The following MAP7 variants were observed in gnomAD, a reference collection of about 807,000 sequenced individuals.
MAP7 encodes the protein ensconsin.
MAP7 carries 52 observed loss-of-function variants against 94.8 expected under a neutral mutation model. The observed-to-expected ratio is 0.55, with a 90% CI of 0.44 to 0.69. The LOEUF is 0.69. Ranked by LOEUF, MAP7 falls within the 30% of genes least tolerant of loss-of-function variation. MAP7 has a pLI of 0.00. For missense variants in MAP7, 940 were observed against 964.6 expected (o/e 0.97, Z 0.34); for synonymous variants, 350 against 357.0 (o/e 0.98, Z 0.22).
intron 8 of MAP7, 27 bp from the exon 9 acceptor site, chr6:136,366,466 G>C: frequency 1.1e-5 from 16 of 1,506,836 alleles, no homozygotes; most frequent in Non-Finnish European, 1.5e-5. Flanking sequence ...TCAATAGTTA[G>C]ATTTTTCCAC....
intron 1 of MAP7, among the ~76,000 whole-genome samples, chr6:136,501,896 G>T (rs1369982835): frequency 6.6e-6 from 1 of 152,130 alleles, no homozygotes; most frequent in Non-Finnish European, 1.5e-5. Context: ...TGGGTGTGAG[G>T]CTGCAGAATA....
intron 1 of MAP7, among the ~76,000 whole-genome samples, chr6:136,478,979 C>CAAAAAAAAAAAAAAAAA (rs59319740): frequency 6.6e-5 from 3 of 45,564 alleles, no homozygotes; most frequent in East Asian, 5.2e-4. Context: ...ACAGACACAT[C>CAAAAAAAAAAAAAAAAA]AAAAAAAAAA....
rs1046225937 is a variant in MAP7 at position 136,514,580 on chromosome 6, CAAAAAAAAAA to C, written c.67+35752_67+35761del. 2.0e-3 allele frequency among the ~76,000 whole-genome samples: 100 copies of C among 49,048 alleles called. No individual in the cohort carries two copies. In the Middle Eastern group the frequency reaches 0.071, roughly 35 times the overall value. The allele number at this position is 49,048 out of a possible 152,430, so 32.2% of individuals were successfully genotyped here. On this transcript the variant is annotated intron_variant, in intron 1 of 17. Transcript: ENST00000354570. The stretch of plus-strand genomic sequence containing the variant: ...TGGGTGACAGAGCAAGACTCTGTCT[CAAAAAAAAAA>C]AAAAAAAAAAAAAAAAAGAAAACAA...
intron 1 of MAP7, chr6:136,526,186 C>A: frequency 7.9e-7 from 1 of 1,264,610 alleles, no homozygotes; most frequent in Non-Finnish European, 1.0e-6. Context: ...AGCAGCTTCC[C>A]CACCTCCCCT....
At chr6:136,547,585 T>C (rs1047803732) in intron 1 of MAP7, among the ~76,000 whole-genome samples, 10 of 152,288 alleles carry the variant, frequency 6.6e-5, no homozygotes, top group Non-Finnish European at 1.2e-4. Flanking sequence ...ATTTTTTTTT[T>C]CCCAGCTCTT....
At chr6:136,364,512 C>G (rs1793743903) in intron 10 of MAP7, 2 of 255,550 alleles carry the variant, frequency 7.8e-6, no homozygotes, top group South Asian at 4.3e-5. Flanking sequence ...AAAAAAAATT[C>G]TTTGAAAACT....
intron 1 of MAP7, among the ~76,000 whole-genome samples, chr6:136,492,225 A>G (rs1321323216): frequency 6.6e-6 from 1 of 152,230 alleles, no homozygotes; most frequent in Non-Finnish European, 1.5e-5. Context: ...TATGGAATAT[A>G]TATACTATAG....
chr6:136,394,931 C>CATATATATATATATATATATATAATAT (rs1781895555), intron 3 of MAP7, among the ~76,000 whole-genome samples: 1 of 27,494 alleles, frequency 3.6e-5, no homozygotes, highest in African/African-American at 8.6e-5. Context: ...AATATTCCAT[C>CATATATATATATATATATATATAATAT]ATATATATAT....
chr6:136,457,199 T>G (rs1803575335), intron 1 of MAP7, among the ~76,000 whole-genome samples: 2 of 150,222 alleles, frequency 1.3e-5, no homozygotes, highest in Non-Finnish European at 3.0e-5. Context: ...CTGGAAAACC[T>G]AAAAGGAGGA....
chr6:136,422,459 T>C (rs1562382832), intron 1 of MAP7, among the ~76,000 whole-genome samples: 1 of 152,204 alleles, frequency 6.6e-6, no homozygotes, highest in Non-Finnish European at 1.5e-5. Context: ...CTGGTTACTT[T>C]AACTCTAATT....
chr6:136,369,639 G>A (rs1363640758), intron 8 of MAP7, among the ~76,000 whole-genome samples: 4 of 151,646 alleles, frequency 2.6e-5, no homozygotes, highest in Admixed American at 1.3e-4. Context: ...TTGTGTATAT[G>A]GTCAAAAGCT....
Position 136,445,031 on chromosome 6 carries a change from G to A in MAP7, c.68-23232C>T, listed in dbSNP as rs183734148. On this transcript the variant is annotated intron_variant, in intron 1 of 17. Transcript: ENST00000354570. Reference sequence around the variant, plus strand: ...TCTCTCCATTTTCATATAATGAAACGAGTTCAACTGTTGGTTAAAGCATGT... The same window carrying A: ...TCTCTCCATTTTCATATAATGAAACAAGTTCAACTGTTGGTTAAAGCATGT... 2.0e-4 allele frequency among the ~76,000 whole-genome samples: 30 copies of A among 152,232 alleles called. No individual in the cohort carries two copies. In the East Asian group the frequency reaches 5.6e-3, roughly 28 times the overall value.
intron 10 of MAP7, 126 bp from the exon 11 acceptor site, chr6:136,362,828 C>T (rs2128571803): frequency 4.3e-6 from 6 of 1,406,716 alleles, no homozygotes; most frequent in Non-Finnish European, 5.7e-6. Flanking sequence ...ATGTTTATTA[C>T]TGTGTGTTCT....
intron 1 of MAP7, among the ~76,000 whole-genome samples, chr6:136,530,331 G>T (rs1021726227): frequency 6.6e-6 from 1 of 152,176 alleles, no homozygotes; most frequent in Non-Finnish European, 1.5e-5. Flanking sequence ...GTCCAGAAGT[G>T]CCAAAATTCT....
At chr6:136,398,042 C>G (rs1783011754) in intron 3 of MAP7, among the ~76,000 whole-genome samples, 1 of 152,084 alleles carries the variant, frequency 6.6e-6, no homozygotes, top group South Asian at 2.1e-4. Context: ...CTGCTGACAC[C>G]AAGATATTTT....
chr6:136,365,723 G>A lies in MAP7; in HGVS notation c.1273+12C>T. 1.2e-6 allele frequency: 2 copies of A among 1,612,030 alleles called. No individual in the cohort carries two copies. Among genetic ancestry groups the A allele is most frequent in the Admixed American group, 1.7e-5 (1 of 59,778 alleles). On this transcript the variant is annotated intron_variant, in intron 10 of 17. Coordinates refer to ENST00000354570, the MANE Select transcript of MAP7 (RefSeq NM_003980.6). ...GAGAGAGCACCCAGACCACAGGTGA[G>A]TTTGCTCTTACCAGGGCCAACTTCT...
chr6:136,356,913 C>A, intron 15 of MAP7, 119 bp from the exon 16 acceptor site: 1 of 724,312 alleles, frequency 1.4e-6, no homozygotes, highest in Admixed American at 2.4e-5. Context: ...TGATGTGAGA[C>A]CTTGGGCACA....
chr6:136,437,426 C>A (rs1438041471), intron 1 of MAP7, among the ~76,000 whole-genome samples: 1 of 152,158 alleles, frequency 6.6e-6, no homozygotes, highest in Non-Finnish European at 1.5e-5. Context: ...CACTGTGTTG[C>A]ATAATTCTTT....
intron 1 of MAP7, among the ~76,000 whole-genome samples, chr6:136,431,492 C>CTTTACTTATTTATTTA (rs10652461): frequency 6.9e-6 from 1 of 145,352 alleles, no homozygotes. Flanking sequence ...CTTTTTAATG[C>CTTTACTTATTTATTTA]TTTATTTATT....
Sources: allele counts gnomAD v4.1 joint callset (sites outside exome capture counted in the v4.1 genomes callset), GRCh38; gene constraint gnomAD v4.1.1; transcripts MANE v1.5; gene names NCBI Gene and HGNC (gene_info 2026-07-23, HGNC 2026-07-21).